FGF14: variants seen among roughly 807,000 people sequenced by gnomAD.
The protein encoded by FGF14 is fibroblast growth factor homologous factor 4.
A neutral mutation model predicts 25.5 loss-of-function variants in FGF14; 5 were observed. The observed-to-expected ratio is 0.20, with a 90% CI of 0.10 to 0.41. The LOEUF (loss-of-function observed/expected upper bound fraction) is 0.41, where lower values mean the gene tolerates loss of function less well. FGF14 is among the 10% of genes least tolerant of loss of function. The probability of loss-of-function intolerance (pLI) is 1.00; values close to 1 mark genes in which losing one functional copy is unlikely to be tolerated. For synonymous variants in FGF14, 138 were observed against 118.3 expected (o/e 1.17, Z -1.08); for missense variants, 222 against 320.1 (o/e 0.69, Z 2.34).
intron 1 of FGF14, among the ~76,000 whole-genome samples, chr13:101,988,839 T>G (rs1203061532): frequency 6.6e-6 from 1 of 152,132 alleles, no homozygotes; most frequent in East Asian, 1.9e-4. Flanking sequence ...ACATGTACCC[T>G]AAAACTTAAA....
At chr13:102,011,755 C>G (rs9557785) in intron 1 of FGF14, among the ~76,000 whole-genome samples, 1 of 151,910 alleles carries the variant, frequency 6.6e-6, no homozygotes, top group Non-Finnish European at 1.5e-5. Flanking sequence ...GCAAAGTCTC[C>G]GGTCATCAAG....
At chr13:101,850,497 T>TG (rs2043744345) in intron 3 of FGF14, among the ~76,000 whole-genome samples, 1 of 3,644 alleles carries the variant, frequency 2.7e-4, no homozygotes, top group Non-Finnish European at 5.4e-4. Context: ...TATATATATA[T>TG]ATATATATAT....
chr13:102,388,698 C>G (rs2058363482), intron 1 of FGF14, among the ~76,000 whole-genome samples: 1 of 152,242 alleles, frequency 6.6e-6, no homozygotes, highest in Non-Finnish European at 1.5e-5. Flanking sequence ...TTCGAACTAA[C>G]AGAAGGACAT....
intron 1 of FGF14, among the ~76,000 whole-genome samples, chr13:102,305,615 A>G (rs1380987607): frequency 6.6e-6 from 1 of 152,196 alleles, no homozygotes; most frequent in Non-Finnish European, 1.5e-5. Flanking sequence ...CAAGTTTGCT[A>G]AACCAACTAG....
chr13:101,738,956 G>GTA (rs60594991), intron 3 of FGF14, among the ~76,000 whole-genome samples: 7,329 of 146,124 alleles, frequency 0.05, 195 homozygotes, highest in Middle Eastern at 0.065. Flanking sequence ...GTGTGTGTGT[G>GTA]TATATATATA....
Position 102,122,454 on chromosome 13 carries a change from C to T in FGF14, c.209-247158G>A, listed in dbSNP as rs141417120. 1.1e-3 allele frequency among the ~76,000 whole-genome samples: 163 copies of T among 152,290 alleles called. 3 individuals carry two copies. Among genetic ancestry groups the T allele is most frequent in the Non-Finnish European group, 9.8e-4 (67 of 68,028 alleles). On this transcript the variant is annotated intron_variant, in intron 1 of 4. Coordinates refer to the FGF14 transcript ENST00000376131. ...CATATGTGCCCACAAATATCATTTC[C>T]CCTTGCATAGATATTATGACAGCGG... is the stretch of plus-strand genomic sequence containing the variant.
At chr13:102,309,167 C>CACACACACAT (rs549521419) in intron 1 of FGF14, among the ~76,000 whole-genome samples, 2 of 151,532 alleles carry the variant, frequency 1.3e-5, no homozygotes, top group Admixed American at 6.6e-5. Context: ...CACACACACA[C>CACACACACAT]ATCTCGCACA....
chr13:101,723,543 AG>A (rs1382584583), intron 4 of FGF14, among the ~76,000 whole-genome samples: 1 of 152,126 alleles, frequency 6.6e-6, no homozygotes, highest in Non-Finnish European at 1.5e-5. Flanking sequence ...CAGAGCCTTC[AG>A]GAGATTATCA....
intron 3 of FGF14, among the ~76,000 whole-genome samples, chr13:101,776,067 G>A (rs1407912756): frequency 6.6e-6 from 1 of 152,048 alleles, no homozygotes. Flanking sequence ...TCTTATTCAC[G>A]TGGTGCGCTT....
In FGF14 at chr13:102,375,764, T is replaced by C. The variant is rs9300737; in HGVS notation, c.208+25707A>G. On this transcript the variant is annotated intron_variant, in intron 1 of 4. Transcript: ENST00000376131. Reference sequence around the variant, plus strand: ...CCCAAATCAGCAATTAAAGTATCAATAAAAGCTATCTGCCTTGTTTGTTTT... The same window carrying C: ...CCCAAATCAGCAATTAAAGTATCAACAAAAGCTATCTGCCTTGTTTGTTTT... 4.7e-3 allele frequency among the ~76,000 whole-genome samples: 717 copies of C among 152,288 alleles called. 9 individuals are homozygous for C. Among genetic ancestry groups the C allele is most frequent in the African/African-American group, 0.016 (673 of 41,576 alleles).
chr13:101,728,672 A>G (rs1174708181), intron 3 of FGF14, among the ~76,000 whole-genome samples: 1 of 152,110 alleles, frequency 6.6e-6, no homozygotes, highest in African/African-American at 2.4e-5. Flanking sequence ...GAGACAGGGC[A>G]GGGCACCTAA....
intron 3 of FGF14, among the ~76,000 whole-genome samples, chr13:101,836,759 G>T (rs1343029286): frequency 6.6e-6 from 1 of 151,642 alleles, no homozygotes; most frequent in Non-Finnish European, 1.5e-5. Context: ...TTATTTTATT[G>T]TCCTATTGCA....
rs2035078081 is a variant in FGF14 at position 101,722,776 on chromosome 13, T to G, written c.*55A>C. 1.2e-6 allele frequency: 2 copies of G among 1,607,988 alleles called. No individual in the cohort carries two copies. The highest frequency in any genetic ancestry group is 1.7e-6 in the Non-Finnish European group (2 of 1,174,924). On this transcript the variant is annotated 3_prime_UTR_variant, in exon 5 of 5. Transcript: ENST00000376143. ...ACGGAGCAGGAATGTCTGGTGAGGA[T>G]AAATCACTCAACTGTGCTCAGGACG...
chr13:101,890,630 A>C (rs1566385011), intron 1 of FGF14, among the ~76,000 whole-genome samples: 2 of 152,290 alleles, frequency 1.3e-5, no homozygotes, highest in South Asian at 2.1e-4. Context: ...CCATGTGGGA[A>C]CAAAATGTTT....
chr13:102,233,290 C>A (rs1256732221), intron 1 of FGF14, among the ~76,000 whole-genome samples: 2 of 151,938 alleles, frequency 1.3e-5, no homozygotes, highest in Non-Finnish European at 2.9e-5. Flanking sequence ...GCCCACCACA[C>A]CCGGCTAATT....
intron 1 of FGF14, among the ~76,000 whole-genome samples, chr13:102,317,690 G>A (rs1447573773): frequency 8.5e-5 from 13 of 152,104 alleles, no homozygotes; most frequent in Non-Finnish European, 1.9e-4. Flanking sequence ...CCTCAGTCCT[G>A]GACAGGACCC....
At chr13:102,246,983 A>G (rs1413291952) in intron 1 of FGF14, among the ~76,000 whole-genome samples, 3 of 152,074 alleles carry the variant, frequency 2.0e-5, no homozygotes, top group Admixed American at 1.3e-4. Flanking sequence ...AAAGTAACCA[A>G]TGGGGAAATG....
At chr13:102,041,020 G>A (rs1176743922) in intron 1 of FGF14, among the ~76,000 whole-genome samples, 1 of 151,840 alleles carries the variant, frequency 6.6e-6, no homozygotes, top group Non-Finnish European at 1.5e-5. Context: ...CCCAGCAGGT[G>A]CTCAACAAAT....
At chr13:101,733,828 C>T (rs1238147129) in intron 3 of FGF14, among the ~76,000 whole-genome samples, 1 of 151,278 alleles carries the variant, frequency 6.6e-6, no homozygotes, top group East Asian at 1.9e-4. Flanking sequence ...TCATTAGATA[C>T]AATAATTTAT....
Sources: allele counts gnomAD v4.1 joint callset (sites outside exome capture counted in the v4.1 genomes callset), GRCh38; gene constraint gnomAD v4.1.1; transcripts MANE v1.5; gene names NCBI Gene and HGNC (gene_info 2026-07-23, HGNC 2026-07-21).